FRY: variants seen among roughly 807,000 people sequenced by gnomAD.
FRY encodes the protein FRY microtubule binding protein, also known as protein furry homolog.
In FRY, 128 loss-of-function variants were observed where a neutral mutation model predicts 348.4. That is an observed-to-expected ratio of 0.37 (90% CI 0.32 to 0.43). The LOEUF is 0.43. FRY is among the 20% of genes least tolerant of loss of function. FRY has a pLI of 1.00. For missense variants in FRY, 2,736 were observed against 3,695.2 expected (o/e 0.74, Z 6.73); for synonymous variants, 1,370 against 1,374.7 (o/e 1.00, Z 0.08).
chr13:32,171,427 C>T (rs569715680), intron 18 of FRY, among the ~76,000 whole-genome samples, 157 bp downstream of exon 18: 2 of 148,312 alleles, frequency 1.3e-5, no homozygotes, highest in East Asian at 4.0e-4. Flanking sequence ...TTTCATGCCT[C>T]AGCCTCCCGA....
chr13:32,078,950 G>A lies in FRY; in HGVS notation c.187G>A (p.Gly63Arg). Reference sequence around the variant, plus strand: ...CAATGTGGACCCAGACAGTAAACCAGGAGAATATGTCCTCAAAAGTTTATT... The same window carrying A: ...CAATGTGGACCCAGACAGTAAACCAAGAGAATATGTCCTCAAAAGTTTATT... ...PINVDPDSKPGEYVLKSLFVN... is the reference protein window; with the variant it reads ...PINVDPDSKPREYVLKSLFVN... Residue 63 changes from glycine to arginine, a missense_variant, in exon 2 of 61, where the codon GGA becomes AGA. Physicochemically the swap from Gly to Arg is moderately radical, Grantham distance 125. Coordinates refer to ENST00000542859, the MANE Select transcript of FRY (RefSeq NM_023037.3). 2 of 1,613,920 alleles carry A rather than the reference G, an allele frequency of 1.2e-6. No individual in the cohort carries two copies.
At chr13:32,163,718 T>C (rs781044998) in intron 17 of FRY, among the ~76,000 whole-genome samples, 1 of 152,152 alleles carries the variant, frequency 6.6e-6, no homozygotes, top group Non-Finnish European at 1.5e-5. Flanking sequence ...GGAATCACCT[T>C]GACAGCCCAA....
At chr13:32,095,424 T>G (rs530344491) in intron 2 of FRY, among the ~76,000 whole-genome samples, 1 of 128,810 alleles carries the variant, frequency 7.8e-6, no homozygotes, top group South Asian at 2.7e-4. Flanking sequence ...CTTGGCTCAC[T>G]GCAACCTCTG....
chr13:32,287,351 T>C (rs2138639621), intron 58 of FRY, among the ~76,000 whole-genome samples: 1 of 152,240 alleles, frequency 6.6e-6, no homozygotes, highest in South Asian at 2.1e-4. Context: ...CTAAAGAAAA[T>C]ACCATGTAGA....
intron 1 of FRY, among the ~76,000 whole-genome samples, chr13:32,069,209 C>T (rs940301695): frequency 6.6e-5 from 10 of 152,200 alleles, no homozygotes; most frequent in Non-Finnish European, 8.8e-5. Flanking sequence ...GCCACCACGC[C>T]TGGCCCATAT....
At chr13:32,087,233 C>T (rs1310045472) in intron 2 of FRY, among the ~76,000 whole-genome samples, 1 of 152,198 alleles carries the variant, frequency 6.6e-6, no homozygotes, top group Non-Finnish European at 1.5e-5. Context: ...GAACATCAGT[C>T]ATGGCCAGCC....
chr13:32,248,619 A>G (rs549501644), intron 48 of FRY, among the ~76,000 whole-genome samples: 58 of 152,288 alleles, frequency 3.8e-4, no homozygotes, highest in Middle Eastern at 6.8e-3. Flanking sequence ...TTTTTATACA[A>G]TGGTCCTCAC....
intron 19 of FRY, among the ~76,000 whole-genome samples, chr13:32,174,640 C>T (rs1040196330): frequency 1.3e-5 from 2 of 152,156 alleles, no homozygotes; most frequent in Non-Finnish European, 2.9e-5. Context: ...GATATATACA[C>T]ATGCCTCTAA....
At position 32,295,566 on chromosome 13, in the gene FRY, T is replaced by C. The variant is rs1593865876; in HGVS notation, c.*106T>C. ...TTCAAAAGGCTTGGACAGACTGTTC[T>C]CCCTCTTGTTACCTGTAGGGCTTTT... On this transcript the variant is annotated 3_prime_UTR_variant, in exon 61 of 61. Transcript: ENST00000542859. 4 of 1,068,152 alleles carry C rather than the reference T, an allele frequency of 3.7e-6. No individual in the cohort carries two copies. The highest frequency in any genetic ancestry group is 2.4e-5 in the East Asian group (1 of 42,026). 66.2% of individuals were successfully genotyped at this position (1,068,152 alleles called of 1,614,324 possible).
chr13:32,074,507 G>T (rs956589136), intron 1 of FRY, among the ~76,000 whole-genome samples: 2 of 152,092 alleles, frequency 1.3e-5, no homozygotes, highest in Non-Finnish European at 2.9e-5. Flanking sequence ...TAGAGACATT[G>T]AGCTGTTATA....
chr13:32,183,586 G>T (rs1319476778), intron 24 of FRY, among the ~76,000 whole-genome samples: 1 of 151,958 alleles, frequency 6.6e-6, no homozygotes, highest in Non-Finnish European at 1.5e-5. Flanking sequence ...GACCATCCTG[G>T]CCAATATGGT....
In FRY at chr13:32,169,964, T is replaced by A. The variant is rs547730611; in HGVS notation, c.1893-1048T>A. 5.9e-5 allele frequency among the ~76,000 whole-genome samples: 9 copies of A among 152,294 alleles called. No individual in the cohort carries two copies. The South Asian group carries it at 1.9e-3, about 32-fold the overall frequency. Reference sequence around the variant, plus strand: ...ACTATTGACATTTTGGGCCAGAAAATTCTTTGTCACAGGGACCTGTCCTGT... The same window carrying A: ...ACTATTGACATTTTGGGCCAGAAAAATCTTTGTCACAGGGACCTGTCCTGT... On this transcript the variant is annotated intron_variant, in intron 17 of 60. Coordinates refer to ENST00000542859, the MANE Select transcript of FRY (RefSeq NM_023037.3).
At chr13:32,068,951 T>A (rs1418205057) in intron 1 of FRY, among the ~76,000 whole-genome samples, 1 of 148,244 alleles carries the variant, frequency 6.7e-6, no homozygotes, top group Non-Finnish European at 1.5e-5. Flanking sequence ...AGTCTCGCTC[T>A]GTCGCCCAGG....
chr13:32,031,932 A>G (rs424118), intron 1 of FRY, 67 bp downstream of exon 1: 466,187 of 873,826 alleles, frequency 0.53, 129,514 homozygotes, highest in South Asian at 0.59. Context: ...TGGAGACAGA[A>G]AATCTCAACT....
intron 41 of FRY, among the ~76,000 whole-genome samples, chr13:32,233,870 C>G (rs1364510068): frequency 6.6e-6 from 1 of 152,200 alleles, no homozygotes; most frequent in Non-Finnish European, 1.5e-5. Context: ...GAAACAGGCT[C>G]ATGGAGAACA....
At chr13:32,068,908 A>G (rs1227988544) in intron 1 of FRY, among the ~76,000 whole-genome samples, 1 of 124,206 alleles carries the variant, frequency 8.1e-6, no homozygotes, top group Non-Finnish European at 1.6e-5. Context: ...TCCATGTTCA[A>G]TTCTTTTTTT....
At chr13:32,135,276 C>A in intron 10 of FRY, 93 bp downstream of exon 10, 1 of 809,032 alleles carries the variant, frequency 1.2e-6, no homozygotes, top group Non-Finnish European at 2.1e-6. Flanking sequence ...AAGGACTCCA[C>A]AGATAGGAAA....
rs371502186 is a variant in FRY at position 32,275,030 on chromosome 13, C to T, written c.8286+39C>T. On this transcript the variant is annotated intron_variant, in intron 56 of 60. Transcript: ENST00000542859. ...TCCTGCTCTGACAGTGAAGGGCCTACGCAACCTACAGTGCAGAACTTCAGG... is the reference window on the plus strand; with the variant it reads ...TCCTGCTCTGACAGTGAAGGGCCTATGCAACCTACAGTGCAGAACTTCAGG... The T allele has an allele frequency of 2.1e-4, 334 of 1,576,616 alleles. 1 individual carries two copies. The African/African-American group carries it at 3.1e-3, about 15-fold the overall frequency.
chr13:32,204,272 G>A (rs1261944860), intron 31 of FRY, among the ~76,000 whole-genome samples: 1 of 152,088 alleles, frequency 6.6e-6, no homozygotes, highest in Non-Finnish European at 1.5e-5. Context: ...CCCAGTCCTG[G>A]CATGGAATTA....
Sources: gnomAD v4.1 joint callset for allele counts (sites outside exome capture counted in the v4.1 genomes callset) on GRCh38, gnomAD v4.1.1 for gene constraint, MANE v1.5 for transcripts, NCBI Gene and HGNC (gene_info 2026-07-23, HGNC 2026-07-21) for gene names.